Variants in FAM13C observed in about 807,000 individuals in gnomAD.
The protein encoded by FAM13C is protein FAM13C.
FAM13C carries 37 observed loss-of-function variants against 73.2 expected under a neutral mutation model. The observed-to-expected ratio is 0.51, with a 90% CI of 0.39 to 0.67. FAM13C has a LOEUF of 0.67. Ranked by LOEUF, FAM13C falls within the 30% of genes least tolerant of loss-of-function variation. The pLI is 0.00. For synonymous variants in FAM13C, 246 were observed against 260.9 expected, an observed-to-expected ratio of 0.94 and a Z score of 0.55; for missense variants, 589 against 715.6, an observed-to-expected ratio of 0.82 and a Z score of 2.02.
intron 2 of FAM13C, among the ~76,000 whole-genome samples, 165 bp downstream of exon 2, chr10:59,355,722 G>A (rs12358821): frequency 0.099 from 15,059 of 152,046 alleles, 1,107 homozygotes; most frequent in African/African-American, 0.21. Flanking sequence ...ATCCAAAAGC[G>A]GAAAAGACAA....
Position 59,362,506 on chromosome 10 carries a change from A to T in FAM13C, c.-46T>A. 6.2e-7 allele frequency: 1 copy of T among 1,603,118 alleles called. No homozygotes were observed. Among genetic ancestry groups the T allele is most frequent in the Middle Eastern group, 1.7e-4 (1 of 5,978 alleles). The stretch of plus-strand genomic sequence containing the variant: ...GCCGTCTCCCTGATTGCTCTCCGGG[A>T]GTTAGAGCACATACACAAACATGGC... On this transcript the variant is annotated 5_prime_UTR_variant, in exon 1 of 14. Transcript: ENST00000618804.
intron 12 of FAM13C, 78 bp downstream of exon 12, chr10:59,252,721 A>G: frequency 1.4e-6 from 2 of 1,440,380 alleles, no homozygotes; most frequent in South Asian, 1.2e-5. Flanking sequence ...GCATTTTCAA[A>G]GGCCAGCTCT....
Position 59,269,966 on chromosome 10 carries a change from G to C in FAM13C, c.736C>G (p.Gln246Glu). The C allele has an allele frequency of 6.2e-7, 1 of 1,614,002 alleles. No individual in the cohort carries two copies. The highest frequency in any genetic ancestry group is 2.2e-5 in the East Asian group (1 of 44,878). The change falls in exon 7 of 14, where the codon CAA (glutamine) becomes GAA (glutamate). Residue 246 changes from glutamine (Q) to glutamate (E), a missense_variant. By Grantham distance (29) the Gln-to-Glu change is conservative (BLOSUM62 2). Transcript: ENST00000618804. ...GGGTCTAAGTTGAATCTCTGGCTTT[G>C]GCTGAAGATGGAGCATCGTGGCGAC... ...LLSPRCSIFS[Q>E]SQRFNLDPES... is the part of the protein sequence containing the mutation.
rs1589314045 is a variant in FAM13C at position 59,247,431 on chromosome 10, C to T, written c.*183G>A. On this transcript the variant is annotated 3_prime_UTR_variant, in exon 14 of 14. Transcript: ENST00000618804. ...TTATATGGCTACCTGTTGTATTCTT[C>T]CCCCCGTTTAAATCCCTTCTCCTTG... The T allele has an allele frequency of 1.5e-6, 1 of 660,130 alleles. No homozygotes were observed. Among genetic ancestry groups the T allele is most frequent in the Non-Finnish European group, 2.5e-6 (1 of 398,934 alleles). 40.9% of individuals were successfully genotyped at this position (660,130 alleles called of 1,614,324 possible).
At chr10:59,316,127 G>A (rs1034703885) in intron 4 of FAM13C, among the ~76,000 whole-genome samples, 1 of 152,044 alleles carries the variant, frequency 6.6e-6, no homozygotes, top group East Asian at 1.9e-4. Context: ...TACAGATGGG[G>A]TTTCACCATG....
In FAM13C at chr10:59,247,745, A is replaced by G. The variant is rs1589315129; in HGVS notation, c.1635-8T>C. 4 of 1,606,688 alleles carry G rather than the reference A, an allele frequency of 2.5e-6. No homozygotes were observed. In the East Asian group the frequency reaches 6.7e-5, roughly 27 times the overall value. On this transcript the variant is annotated splice_region_variant and splice_polypyrimidine_tract_variant and intron_variant, in intron 13 of 13. Coordinates refer to ENST00000618804, the MANE Select transcript of FAM13C (RefSeq NM_198215.4). ...TCTTCCTTTTGTGGACTTCTGCAAA[A>G]CAAAAATACATTTGTTAGTTCACAA... is the stretch of plus-strand genomic sequence containing the variant.
intron 8 of FAM13C, among the ~76,000 whole-genome samples, chr10:59,268,305 A>AAT (rs1343984838): frequency 1.3e-5 from 2 of 152,224 alleles, no homozygotes; most frequent in Non-Finnish European, 2.9e-5. Flanking sequence ...AGGTGAGATC[A>AAT]ATAATCAAAT....
At chr10:59,262,740 C>T (rs1842639071) in intron 9 of FAM13C, 95 bp from the exon 10 acceptor site, 1 of 1,046,222 alleles carries the variant, frequency 9.6e-7, no homozygotes, top group Admixed American at 2.2e-5. Flanking sequence ...GATGCCAAAT[C>T]TGTAGAAATG....
intron 5 of FAM13C, among the ~76,000 whole-genome samples, chr10:59,286,892 G>A (rs1268726669): frequency 6.6e-6 from 1 of 151,412 alleles, no homozygotes; most frequent in Admixed American, 6.6e-5. Context: ...AAATTAACCG[G>A]GTGTGGTGGC....
At chr10:59,252,709 C>T in intron 12 of FAM13C, 90 bp downstream of exon 12, 2 of 1,311,276 alleles carry the variant, frequency 1.5e-6, no homozygotes, top group Non-Finnish European at 2.2e-6. Context: ...CCTTTGAGTC[C>T]AGCATTTTCA....
At chr10:59,257,955 AAC>A (rs1338570210) in intron 10 of FAM13C, among the ~76,000 whole-genome samples, 1 of 152,198 alleles carries the variant, frequency 6.6e-6, no homozygotes, top group Admixed American at 6.6e-5. Context: ...CTGGATTAAT[AAC>A]ACACACATCA....
At chr10:59,346,741 T>C (rs1589703549) in intron 3 of FAM13C, among the ~76,000 whole-genome samples, 1 of 152,298 alleles carries the variant, frequency 6.6e-6, no homozygotes, top group Non-Finnish European at 1.5e-5. Flanking sequence ...CCTCCCCAAA[T>C]TTGGTTGTCA....
At position 59,312,146 on chromosome 10, in the gene FAM13C, T is replaced by G. The variant is rs111657108; in HGVS notation, c.444-9282A>C. Among the ~76,000 whole-genome samples the G allele has an allele frequency of 5.7e-3, 863 of 152,148 alleles. 10 individuals are homozygous for G. Among genetic ancestry groups the G allele is most frequent in the African/African-American group, 0.02 (823 of 41,506 alleles). On this transcript the variant is annotated intron_variant, in intron 4 of 13. Coordinates refer to ENST00000618804, the MANE Select transcript of FAM13C (RefSeq NM_198215.4). The stretch of plus-strand genomic sequence containing the variant: ...GGGGGTGCGGAATTTAAACGACAGG[T>G]GAATAGCTGATGAATATTTGTAACT...
intron 6 of FAM13C, among the ~76,000 whole-genome samples, chr10:59,270,495 G>A (rs564434242): frequency 6.0e-5 from 9 of 150,152 alleles, no homozygotes; most frequent in Admixed American, 1.3e-4. Context: ...TTATCAGGAA[G>A]AAAAGGTATA....
intron 6 of FAM13C, 160 bp from the exon 7 acceptor site, chr10:59,270,269 A>G (rs1173044808): frequency 1.3e-5 from 9 of 691,980 alleles, no homozygotes; most frequent in Non-Finnish European, 2.1e-5. Flanking sequence ...TGTCATGTTT[A>G]TTCTCACAGA....
chr10:59,269,860 C>G, intron 7 of FAM13C, 39 bp downstream of exon 7: 1 of 1,601,626 alleles, frequency 6.2e-7, no homozygotes, highest in Non-Finnish European at 8.5e-7. Flanking sequence ...ATTTGAAAAA[C>G]TGTATGAAAT....
chr10:59,288,693 T>C (rs1254457072), intron 5 of FAM13C, among the ~76,000 whole-genome samples: 1 of 152,044 alleles, frequency 6.6e-6, no homozygotes, highest in African/African-American at 2.4e-5. Context: ...AGACAAAAGA[T>C]GAAGGTCTGG....
intron 4 of FAM13C, among the ~76,000 whole-genome samples, chr10:59,312,165 T>A (rs1339873479): frequency 6.6e-6 from 1 of 152,170 alleles, no homozygotes; most frequent in East Asian, 1.9e-4. Context: ...GATGAATATT[T>A]GTAACTACGT....
intron 1 of FAM13C, among the ~76,000 whole-genome samples, chr10:59,358,546 T>G (rs1460470275): frequency 6.6e-6 from 1 of 152,198 alleles, no homozygotes; most frequent in Non-Finnish European, 1.5e-5. Flanking sequence ...TGGATAAAAA[T>G]GTTTTTCAAT....
Sources: gnomAD v4.1 joint callset for allele counts (sites outside exome capture counted in the v4.1 genomes callset) on GRCh38, gnomAD v4.1.1 for gene constraint, MANE v1.5 for transcripts, NCBI Gene and HGNC (gene_info 2026-07-23, HGNC 2026-07-21) for gene names.